WDFY4: variants seen among roughly 807,000 people sequenced by gnomAD.
The protein encoded by WDFY4 is WD repeat- and FYVE domain-containing protein 4.
WDFY4 carries 169 observed loss-of-function variants against 351.9 expected under a neutral mutation model. The observed-to-expected ratio is 0.48, with a 90% CI of 0.42 to 0.55. The LOEUF (loss-of-function observed/expected upper bound fraction) is 0.55, where lower values mean the gene tolerates loss of function less well. WDFY4 is among the 20% of genes least tolerant of loss of function. WDFY4 has a pLI of 0.00. For synonymous variants in WDFY4, 1,622 were observed against 1,574.6 expected (o/e 1.03, Z -0.71); for missense variants, 3,803 against 3,935.6 (o/e 0.97, Z 0.90).
chr10:48,710,293 C>T (rs1416316010), intron 2 of WDFY4, among the ~76,000 whole-genome samples: 1 of 152,174 alleles, frequency 6.6e-6, no homozygotes, highest in Non-Finnish European at 1.5e-5. Flanking sequence ...TGAGGGGCCT[C>T]TCTCAGGCTT....
chr10:48,749,057 G>A (rs962414171), intron 12 of WDFY4, among the ~76,000 whole-genome samples: 1 of 152,160 alleles, frequency 6.6e-6, no homozygotes, highest in African/African-American at 2.4e-5. Flanking sequence ...CTACATTGAG[G>A]GAAGATGGTA....
chr10:48,956,009 C>T (rs1841572565), intron 51 of WDFY4, among the ~76,000 whole-genome samples: 2 of 152,238 alleles, frequency 1.3e-5, no homozygotes, highest in Non-Finnish European at 2.9e-5. Context: ...TACTTAGACC[C>T]AAGGCTCAAT....
At chr10:48,702,067 G>A (rs1315355646) in intron 1 of WDFY4, among the ~76,000 whole-genome samples, 1 of 152,036 alleles carries the variant, frequency 6.6e-6, no homozygotes, top group African/African-American at 2.4e-5. Flanking sequence ...TTTTTTTAGT[G>A]CACACTTTGG....
At chr10:48,895,384 C>T (rs1411286496) in intron 44 of WDFY4, among the ~76,000 whole-genome samples, 2 of 152,326 alleles carry the variant, frequency 1.3e-5, no homozygotes, top group African/African-American at 2.4e-5. Context: ...TCACCCACTC[C>T]CTGTCACCTT....
At chr10:48,689,086 A>T (rs1349536348) in intron 1 of WDFY4, among the ~76,000 whole-genome samples, 2 of 152,238 alleles carry the variant, frequency 1.3e-5, no homozygotes, top group African/African-American at 2.4e-5. Context: ...AGCTTGGCCA[A>T]CTGGCAGAAA....
At chr10:48,713,703 A>C (rs2063825237) in intron 2 of WDFY4, among the ~76,000 whole-genome samples, 1 of 152,044 alleles carries the variant, frequency 6.6e-6, no homozygotes, top group Admixed American at 6.6e-5. Context: ...AGGGTTCCTC[A>C]CTCCTCTTGT....
rs977458203 is a variant in WDFY4 at position 48,743,337 on chromosome 10, T to C, written c.2248T>C (p.Phe750Leu). The change falls in exon 12 of 62, where the codon TTT becomes CTT. Residue 750 changes from phenylalanine to leucine, a missense_variant. Transcript: ENST00000325239. ...RPFADLLGTA[F>L]SSSGSLPPRI... Reference sequence around the variant, plus strand: ...ATTTGCAGATTTGCTGGGCACTGCCTTTTCCTCCAGCGGCTCACTCCCACC... The same window carrying C: ...ATTTGCAGATTTGCTGGGCACTGCCCTTTCCTCCAGCGGCTCACTCCCACC... 6.4e-7 allele frequency: 1 copy of C among 1,551,470 alleles called. No individual in the cohort carries two copies. The highest frequency in any genetic ancestry group is 8.7e-7 in the Non-Finnish European group (1 of 1,146,864).
At chr10:48,964,092 A>G in intron 54 of WDFY4, 38 bp downstream of exon 54, 1 of 1,543,826 alleles carries the variant, frequency 6.5e-7, no homozygotes, top group East Asian at 2.4e-5. Flanking sequence ...CTTTCTCAAA[A>G]GAGTGTGTGC....
intron 47 of WDFY4, among the ~76,000 whole-genome samples, chr10:48,911,148 G>A (rs888216780): frequency 2.6e-5 from 4 of 152,172 alleles, no homozygotes; most frequent in African/African-American, 9.7e-5. Flanking sequence ...GGCTAGCGGT[G>A]GCTCCTATAC....
chr10:48,884,263 G>A, intron 43 of WDFY4: 1 of 152,164 alleles, frequency 6.6e-6, no homozygotes, highest in Admixed American at 6.5e-5. Flanking sequence ...CTTTAGCTGA[G>A]GCTGTTTGTA....
At chr10:48,857,816 G>A (rs755780587) in intron 39 of WDFY4, among the ~76,000 whole-genome samples, 5 of 151,220 alleles carry the variant, frequency 3.3e-5, no homozygotes, top group Non-Finnish European at 5.9e-5. Context: ...TTTTTTGATG[G>A]AGTTTTGCTC....
intron 39 of WDFY4, among the ~76,000 whole-genome samples, chr10:48,852,291 C>T (rs541441358): frequency 5.3e-5 from 8 of 152,356 alleles, no homozygotes; most frequent in Admixed American, 6.5e-5. Context: ...TACTCTGCCA[C>T]TTCCTGTATT....
At chr10:48,896,618 C>A (rs550702524) in intron 44 of WDFY4, among the ~76,000 whole-genome samples, 2 of 152,018 alleles carry the variant, frequency 1.3e-5, no homozygotes, top group African/African-American at 4.8e-5. Flanking sequence ...AGGTGCTGTC[C>A]TCATGCCTTG....
intron 24 of WDFY4, among the ~76,000 whole-genome samples, chr10:48,797,029 A>C (rs972213202): frequency 6.6e-6 from 1 of 152,184 alleles, no homozygotes; most frequent in Non-Finnish European, 1.5e-5. Flanking sequence ...CCACAGCCAG[A>C]TGGGACTGGG....
rs191238854 is a variant in WDFY4 at position 48,957,179 on chromosome 10, G to A, written c.8028G>A (p.Thr2676=). The A allele has an allele frequency of 6.7e-4, 1,039 of 1,551,674 alleles. 2 individuals are homozygous for A. In the African/African-American group the frequency reaches 0.013, roughly 19 times the overall value. The change falls in exon 52 of 62, where the codon ACG becomes ACA. Residue 2676 remains threonine, a synonymous_variant. Coordinates refer to ENST00000325239, the MANE Select transcript of WDFY4 (RefSeq NM_001394531.1). ...ADRMFHSVKS[T]WESASRENMS... Reference sequence around the variant, plus strand: ...GAATGTTCCACAGTGTGAAGAGCACGTGGGAGTCGGCCTCCAGAGAGAACA... The same window carrying A: ...GAATGTTCCACAGTGTGAAGAGCACATGGGAGTCGGCCTCCAGAGAGAACA...
Position 48,720,082 on chromosome 10 carries a change from G to T in WDFY4, c.306G>T (p.Gln102His), listed in dbSNP as rs1162919348. 6.4e-7 allele frequency: 1 copy of T among 1,551,688 alleles called. No homozygotes were observed. Among genetic ancestry groups the T allele is most frequent in the Non-Finnish European group, 8.7e-7 (1 of 1,147,030 alleles). ...LQRLAEDVSD[Q>H]LAQQLQKALV... ...GGCTGGCTGAAGACGTGTCTGACCA[G>T]CTTGCCCAGCAACTCCAGAAGGCCC... The change falls in exon 3 of 62, where the codon CAG (glutamine) becomes CAT (histidine). Residue 102 changes from glutamine (Q) to histidine (H), a missense_variant. Physicochemically the swap from Gln to His is conservative, Grantham distance 24. Around this residue, in one of 3 missense-constraint regions of WDFY4, gnomAD observed 488 missense variants for 456.8 expected, o/e 1.07. Coordinates refer to ENST00000325239, the MANE Select transcript of WDFY4 (RefSeq NM_001394531.1).
At chr10:48,876,934 C>T (rs747874060) in intron 42 of WDFY4, 99 bp from the exon 43 acceptor site, 2 of 1,250,866 alleles carry the variant, frequency 1.6e-6, no homozygotes, top group Non-Finnish European at 2.1e-6. Context: ...GGCCCTGGAG[C>T]CTTGCTGCTC....
intron 5 of WDFY4, 22 bp from the exon 6 acceptor site, chr10:48,725,859 T>C: frequency 6.5e-7 from 1 of 1,529,516 alleles, no homozygotes; most frequent in Non-Finnish European, 8.8e-7. Flanking sequence ...TCTCCTTGAC[T>C]GTTTATCTTC....
Position 48,964,150 on chromosome 10 carries a change from A to G in WDFY4, c.8436+96A>G, listed in dbSNP as rs1039067603. Reference sequence around the variant, plus strand: ...GGGTGAAAGTGAAGGAGATGGCTGAAGAGGTGAAATGGTCCCCCATCATCT... The same window carrying G: ...GGGTGAAAGTGAAGGAGATGGCTGAGGAGGTGAAATGGTCCCCCATCATCT... On this transcript the variant is annotated intron_variant, in intron 54 of 61. Transcript: ENST00000325239. 27 of 1,367,048 alleles carry G rather than the reference A, an allele frequency of 2.0e-5. No homozygotes were observed. In the East Asian group the frequency reaches 6.3e-4, roughly 32 times the overall value. 84.7% of individuals were successfully genotyped at this position (1,367,048 alleles called of 1,614,324 possible).
Sources: gnomAD v4.1 joint callset for allele counts (sites outside exome capture counted in the v4.1 genomes callset) on GRCh38, gnomAD v4.1.1 for gene constraint, gnomAD v4.1.1 regional missense constraint, MANE v1.5 for transcripts, NCBI Gene and HGNC (gene_info 2026-07-23, HGNC 2026-07-21) for gene names.